Variants in SH2D3A observed in about 807,000 individuals in gnomAD.
SH2D3A encodes SH2 domain containing 3A.
A neutral mutation model predicts 50.6 loss-of-function variants in SH2D3A; 46 were observed. That is an observed-to-expected ratio of 0.91 (90% confidence interval 0.72 to 1.16). The LOEUF (loss-of-function observed/expected upper bound fraction) is 1.16, where lower values mean the gene tolerates loss of function less well. Among genes scored for constraint, SH2D3A ranks in the 50% most tolerant of loss-of-function variants. The pLI is 0.00. For synonymous variants in SH2D3A, 377 were observed against 348.4 expected (o/e 1.08, Z -0.91); for missense variants, 783 against 786.2 (o/e 1.00, Z 0.05).
chr19:6,753,418 C>A, intron 9 of SH2D3A, 38 bp downstream of exon 9: 1 of 1,443,326 alleles, frequency 6.9e-7, no homozygotes, highest in Non-Finnish European at 9.2e-7. Flanking sequence ...CTGCAGGGTG[C>A]TCTGAAGTCT....
intron 4 of SH2D3A, chr19:6,758,453 C>T (rs1402537012): frequency 6.7e-6 from 1 of 149,426 alleles, no homozygotes; most frequent in African/African-American, 2.5e-5. Flanking sequence ...CAGGTGTGTA[C>T]CACCACGCCC....
At chr19:6,756,134 A>G (rs1318495848) in intron 4 of SH2D3A, among the ~76,000 whole-genome samples, 1 of 148,170 alleles carries the variant, frequency 6.7e-6, no homozygotes, top group Non-Finnish European at 1.5e-5. Context: ...TATCATATCT[A>G]TAGAGATAGA....
In SH2D3A at chr19:6,752,694, G is replaced by C. The variant is rs763958239; in HGVS notation, c.1630C>G (p.Leu544Val). Residue 544 changes from leucine to valine, a missense_variant, in exon 10 of 10, where the codon CTC (leucine) becomes GTC (valine). By Grantham distance (32) the Leu-to-Val change is conservative (BLOSUM62 1). Transcript: ENST00000245908. ...GCTCCCGCGCCCCGGCTACCCCAGA[G>C]CAGCCTCCGCACGAAGCCGGTGGTC... ...ALTTGFVRRLLWGSRGAGAPR... is the reference protein window; with the variant it reads ...ALTTGFVRRLVWGSRGAGAPR... The C allele has an allele frequency of 5.2e-6, 8 of 1,552,722 alleles. No homozygotes were observed. In the Admixed American group the frequency reaches 1.4e-4, roughly 27 times the overall value.
At chr19:6,763,905 CTTTTTTTTT>C (rs1168778786) in intron 1 of SH2D3A, 89 bp from the exon 2 acceptor site, 28 of 108,658 alleles carry the variant, frequency 2.6e-4, no homozygotes, top group Non-Finnish European at 3.8e-4. Context: ...TCCATCAAAT[CTTTTTTTTT>C]TTTTTTTTTT....
rs778251511 is a variant in SH2D3A at position 6,753,605 on chromosome 19, AC to A, written c.1420del (p.Val474TrpfsTer58). 1 of 1,590,358 alleles carries A rather than the reference AC, an allele frequency of 6.3e-7. No homozygotes were observed. The highest frequency in any genetic ancestry group is 8.6e-7 in the Non-Finnish European group (1 of 1,169,500). On this transcript the variant is annotated frameshift_variant, in exon 9 of 10. Transcript: ENST00000245908. LOFTEE classifies it high-confidence loss of function. Reference protein sequence around the residue: ...CDPGEVALPHVAPMVRLLEGE... With the variant: ...CDPGEVALPHXAPMVRLLEGE... The stretch of plus-strand genomic sequence containing the variant: ...CTCCAGTAGGCGAACCATGGGTGCC[AC>A]GTGCGGCAGCGCCACCTCGCCGGGG...
chr19:6,752,993 G>A, intron 9 of SH2D3A: 1 of 985,382 alleles, frequency 1.0e-6, no homozygotes, highest in Non-Finnish European at 1.2e-6. Context: ...CCTGTTCCAG[G>A]TGCCAGATCC....
rs372319033 is a variant in SH2D3A at position 6,752,654 on chromosome 19, C to T, written c.1670G>A (p.Arg557His). 6 of 1,555,628 alleles carry T rather than the reference C, an allele frequency of 3.9e-6. No individual in the cohort carries two copies. In the African/African-American group the frequency reaches 6.8e-5, roughly 18 times the overall value. The change falls in exon 10 of 10, where the codon CGC becomes CAC. Residue 557 changes from arginine (R) to histidine (H), a missense_variant. Coordinates refer to ENST00000245908, the MANE Select transcript of SH2D3A (RefSeq NM_005490.3). The stretch of plus-strand genomic sequence containing the variant: ...GAGGACGCGCTGGAACTTCTCAAAG[C>T]GTTCAGCGCGCGGAGCTCCCGCGCC... ...SRGAGAPRAERFEKFQRVLGV... is the reference protein window; with the variant it reads ...SRGAGAPRAEHFEKFQRVLGV...
chr19:6,763,647 C>T, intron 2 of SH2D3A, 33 bp downstream of exon 2: 2 of 1,604,740 alleles, frequency 1.2e-6, no homozygotes, highest in Non-Finnish European at 1.7e-6. Context: ...GGCTCCCCAC[C>T]AGATGGTGCT....
intron 2 of SH2D3A, among the ~76,000 whole-genome samples, chr19:6,762,934 C>G (rs963199467): frequency 1.3e-5 from 2 of 152,042 alleles, no homozygotes; most frequent in Admixed American, 6.6e-5. Flanking sequence ...GTGTCTGGGT[C>G]TCAATTATGG....
chr19:6,753,902 G>T, intron 8 of SH2D3A, 150 bp downstream of exon 8: 3 of 1,067,490 alleles, frequency 2.8e-6, no homozygotes, highest in Non-Finnish European at 3.9e-6. Flanking sequence ...CTAGGGAAAG[G>T]GCCAGGACCA....
chr19:6,757,317 T>TA (rs1969748646), intron 4 of SH2D3A: 1 of 150,602 alleles, frequency 6.6e-6, no homozygotes, highest in African/African-American at 2.4e-5. Context: ...TTCTTCTTTT[T>TA]TTTTTTTTTT....
chr19:6,765,152 A>T (rs1485573638), intron 1 of SH2D3A, among the ~76,000 whole-genome samples: 1 of 151,714 alleles, frequency 6.6e-6, no homozygotes, highest in Non-Finnish European at 1.5e-5. Context: ...AAGCACTGGG[A>T]TTACCAGCAT....
chr19:6,766,361 G>T (rs539815612), intron 1 of SH2D3A, among the ~76,000 whole-genome samples: 2 of 139,946 alleles, frequency 1.4e-5, no homozygotes, highest in African/African-American at 2.9e-5. Context: ...TCAGCCAAAG[G>T]CCAACTAAGC....
intron 1 of SH2D3A, among the ~76,000 whole-genome samples, chr19:6,766,952 C>T (rs540922277): frequency 3.1e-4 from 47 of 152,230 alleles, no homozygotes; most frequent in African/African-American, 1.1e-3. Flanking sequence ...CTGAGATGGA[C>T]TTGCTTTTTA....
In SH2D3A at chr19:6,752,712, C is replaced by T; in HGVS notation, c.1612G>A (p.Gly538Ser). The change falls in exon 10 of 10, where the codon GGC (glycine) becomes AGC (serine). Residue 538 changes from glycine (G) to serine (S), a missense_variant. Physicochemically the swap from Gly to Ser is moderately conservative, Grantham distance 56. Coordinates refer to ENST00000245908, the MANE Select transcript of SH2D3A (RefSeq NM_005490.3). ...CCCCAGAGCAGCCTCCGCACGAAGC[C>T]GGTGGTCAGGGCCTCCCTCAGCTCC... ...NPELREALTT[G>S]FVRRLLWGSR... 6.4e-7 allele frequency: 1 copy of T among 1,552,528 alleles called. No homozygotes were observed. The highest frequency in any genetic ancestry group is 1.2e-5 in the South Asian group (1 of 84,190).
At chr19:6,762,899 T>G (rs888283865) in intron 2 of SH2D3A, among the ~76,000 whole-genome samples, 8 of 151,832 alleles carry the variant, frequency 5.3e-5, no homozygotes, top group African/African-American at 9.7e-5. Context: ...CAATATAAAT[T>G]GTAGGGTTTG....
rs893883445 is a variant in SH2D3A, at chr19:6,760,915, C to T, written c.142G>A (p.Val48Met). The change falls in exon 3 of 10, where the codon GTG (valine) becomes ATG (methionine). Residue 48 changes from valine (V) to methionine (M), a missense_variant. By Grantham distance (21) the Val-to-Met change is conservative. Transcript: ENST00000245908. ...GAGCCCCGCCAGCGGCAGGAGATCACGGGGTTGCCCCCACGGGACCCAGAG... is the reference window on the plus strand; with the variant it reads ...GAGCCCCGCCAGCGGCAGGAGATCATGGGGTTGCCCCCACGGGACCCAGAG... ...RASGSRGGNP[V>M]ISCRWRGSAL... is the part of the protein sequence containing the mutation. 8 of 1,614,036 alleles carry T rather than the reference C, an allele frequency of 5.0e-6. No individual in the cohort carries two copies. In the African/African-American group the frequency reaches 5.3e-5, roughly 11 times the overall value.
chr19:6,761,147 C>T, intron 2 of SH2D3A, 160 bp from the exon 3 acceptor site: 1 of 622,548 alleles, frequency 1.6e-6, no homozygotes, highest in East Asian at 2.8e-5. Flanking sequence ...AGTTCTGTCC[C>T]CCTTTCTCCT....
rs1316763440 is a variant in SH2D3A, at chr19:6,754,129, CG to C, written c.1306del (p.Arg436GlufsTer15). 3.1e-6 allele frequency: 5 copies of C among 1,613,318 alleles called. No homozygotes were observed. In the Admixed American group the frequency reaches 8.3e-5, roughly 27 times the overall value. On this transcript the variant is annotated frameshift_variant, in exon 8 of 10. Coordinates refer to ENST00000245908, the MANE Select transcript of SH2D3A (RefSeq NM_005490.3). LOFTEE classifies it high-confidence loss of function. ...CAGCGCAGCCTCCGTGTGGCTCCTT[CG>C]GAGCTGGCGCCACGTGTGCTCCAAC... ...SRLEHTWRQL[R>X]RSHTEAALAF...
Sources: allele counts gnomAD v4.1 joint callset (sites outside exome capture counted in the v4.1 genomes callset), GRCh38; gene constraint gnomAD v4.1.1; transcripts MANE v1.5; gene names NCBI Gene and HGNC (gene_info 2026-07-23, HGNC 2026-07-21).